The following CEP55 variants were observed in gnomAD, a reference collection of about 807,000 sequenced individuals.
The protein encoded by CEP55 is centrosomal protein of 55 kDa.
CEP55 carries 57 observed loss-of-function variants against 63.2 expected under a neutral mutation model. The ratio of observed to expected loss-of-function variants is 0.90; its 90% CI spans 0.73 to 1.13. The LOEUF is 1.13. Ranked by LOEUF, CEP55 falls within the 50% of genes most tolerant of loss-of-function variation. The pLI, the probability that CEP55 is intolerant of heterozygous loss-of-function variation, is 0.00. For synonymous variants in CEP55, 178 were observed against 191.6 expected (o/e 0.93, Z 0.59); for missense variants, 456 against 518.9 (o/e 0.88, Z 1.18).
chr10:93,514,599 T>G (rs1475367821), intron 4 of CEP55, among the ~76,000 whole-genome samples: 1 of 151,980 alleles, frequency 6.6e-6, no homozygotes, highest in African/African-American at 2.4e-5. Context: ...GAGCAGAGAG[T>G]GCTGAAAAGC....
rs759887502 is a variant in CEP55, at chr10:93,519,747, G to A, written c.1131G>A (p.Leu377=). ...ACCGTCAACATGTGCAGCATCAATT[G>A]CATGTAATTCTTAAGGAGCTCCGAA... is the stretch of plus-strand genomic sequence containing the variant. ...KLDRQHVQHQ[L]HVILKELRKA... The change falls in exon 8 of 9, where the codon TTG becomes TTA. Residue 377 remains leucine, a synonymous_variant. Transcript: ENST00000371485. The A allele has an allele frequency of 6.2e-6, 10 of 1,614,100 alleles. No individual in the cohort carries two copies. In the South Asian group the frequency reaches 9.9e-5, roughly 16 times the overall value.
At chr10:93,519,126 C>T in intron 7 of CEP55, 178 bp downstream of exon 7, 1 of 544,680 alleles carries the variant, frequency 1.8e-6, no homozygotes. Flanking sequence ...CTGCTAGCCA[C>T]TTATTCCTGT....
Position 93,507,961 on chromosome 10 carries a change from A to G in CEP55, c.528+905A>G, listed in dbSNP as rs1045048722. ...TGTGCCTGGCCTCCATTTTATTCTT[A>G]TAATGTAATTTAATTTGTAGTATCT... On this transcript the variant is annotated intron_variant, in intron 4 of 8. Transcript: ENST00000371485. Among the ~76,000 whole-genome samples, 12 of 152,302 alleles carry G rather than the reference A, an allele frequency of 7.9e-5. 1 individual carries two copies. The highest frequency in any genetic ancestry group is 1.6e-4 in the Non-Finnish European group (11 of 68,030).
At chr10:93,521,735 T>C (rs530777600) in intron 8 of CEP55, among the ~76,000 whole-genome samples, 4 of 152,272 alleles carry the variant, frequency 2.6e-5, no homozygotes, top group Admixed American at 2.0e-4. Flanking sequence ...CGGGTACCCC[T>C]CTGAGACAAA....
intron 4 of CEP55, among the ~76,000 whole-genome samples, chr10:93,512,249 G>A (rs973888352): frequency 1.9e-4 from 25 of 130,166 alleles, no homozygotes; most frequent in African/African-American, 6.7e-4. Context: ...AATTGGCCGG[G>A]CTCAGTGGCT....
chr10:93,524,773 G>A (rs1472006105), intron 8 of CEP55, among the ~76,000 whole-genome samples: 1 of 152,182 alleles, frequency 6.6e-6, no homozygotes, highest in Non-Finnish European at 1.5e-5. Context: ...TGGGATGCAA[G>A]GCTGGTTCAA....
intron 4 of CEP55, among the ~76,000 whole-genome samples, chr10:93,510,240 A>T (rs11813225): frequency 0.47 from 70,699 of 152,038 alleles, 18,246 homozygotes; most frequent in South Asian, 0.58. Context: ...AAATAGCCAA[A>T]AGACAGTTTT....
At chr10:93,522,164 G>T (rs1179367177) in intron 8 of CEP55, among the ~76,000 whole-genome samples, 1 of 152,178 alleles carries the variant, frequency 6.6e-6, no homozygotes, top group Non-Finnish European at 1.5e-5. Context: ...GTTCGAACCC[G>T]TGGCAAAGAA....
chr10:93,515,301 A>G lies in CEP55; in HGVS notation c.529-104A>G, dbSNP rs11187493. 6.4e-3 allele frequency: 6,546 copies of G among 1,023,360 alleles called. 292 individuals are homozygous for G. The African/African-American group carries it at 0.091, about 14-fold the overall frequency. 63.4% of individuals were successfully genotyped at this position (1,023,360 alleles called of 1,614,324 possible). ...GTTGCCCAGAATTAGTCTATGAGCC[A>G]TAGAGTTTTTGTTGGAAAAGACTAC... On this transcript the variant is annotated intron_variant, in intron 4 of 8. Coordinates refer to ENST00000371485, the MANE Select transcript of CEP55 (RefSeq NM_018131.5).
intron 1 of CEP55, among the ~76,000 whole-genome samples, chr10:93,499,799 C>T (rs1197195539): frequency 6.6e-6 from 1 of 152,008 alleles, no homozygotes; most frequent in East Asian, 1.9e-4. Flanking sequence ...GGGCTACAGG[C>T]GTGAGCCACC....
At position 93,517,280 on chromosome 10, in the gene CEP55, T is replaced by A. The variant is rs765913648; in HGVS notation, c.993+32T>A. ...TTAACCAGATCCATAATTCAGAGTG[T>A]TCACCGAACACTTTCTAAGTGTCAG... is the stretch of plus-strand genomic sequence containing the variant. On this transcript the variant is annotated intron_variant, in intron 6 of 8. Coordinates refer to ENST00000371485, the MANE Select transcript of CEP55 (RefSeq NM_018131.5). 7.9e-6 allele frequency: 12 copies of A among 1,528,250 alleles called. No individual in the cohort carries two copies. In the Admixed American group the frequency reaches 2.5e-4, roughly 31 times the overall value. The allele number at this position is 1,528,250 out of a possible 1,614,324, so 94.7% of individuals were successfully genotyped here.
At chr10:93,518,407 C>T (rs1004646470) in intron 6 of CEP55, among the ~76,000 whole-genome samples, 14 of 152,170 alleles carry the variant, frequency 9.2e-5, no homozygotes, top group Non-Finnish European at 1.8e-4. Context: ...GCCTTGGCCT[C>T]CCAAAGTGCT....
chr10:93,502,196 C>G (rs573093357), intron 2 of CEP55, among the ~76,000 whole-genome samples: 1 of 152,254 alleles, frequency 6.6e-6, no homozygotes, highest in South Asian at 2.1e-4. Context: ...AACACAGTAT[C>G]CTAAATATGT....
At position 93,517,228 on chromosome 10, in the gene CEP55, T is replaced by C. The variant is rs747240898; in HGVS notation, c.973T>C (p.Ser325Pro). ...RGKLEEEKKR[S>P]EELLSQVQFL... ...AAAACTTGAAGAAGAGAAGAAGAGATCCGAAGAGCTCTTATCTCAGGTAAA... is the reference window on the plus strand; with the variant it reads ...AAAACTTGAAGAAGAGAAGAAGAGACCCGAAGAGCTCTTATCTCAGGTAAA... The change falls in exon 6 of 9, where the codon TCC becomes CCC. Residue 325 changes from serine to proline, a missense_variant. Transcript: ENST00000371485. 6.3e-7 allele frequency: 1 copy of C among 1,598,702 alleles called. No homozygotes were observed. The highest frequency in any genetic ancestry group is 1.1e-5 in the South Asian group (1 of 88,412).
chr10:93,512,916 A>G (rs2057767780), intron 4 of CEP55, among the ~76,000 whole-genome samples: 1 of 152,174 alleles, frequency 6.6e-6, no homozygotes, highest in African/African-American at 2.4e-5. Flanking sequence ...TTTTATGATT[A>G]TTTTTCCCAA....
intron 3 of CEP55, among the ~76,000 whole-genome samples, chr10:93,505,141 TATA>T (rs1242515245): frequency 1.3e-5 from 2 of 152,236 alleles, no homozygotes; most frequent in Non-Finnish European, 2.9e-5. Flanking sequence ...AATGTATTCT[TATA>T]ATAATTTTGT....
At chr10:93,519,064 A>G in intron 7 of CEP55, 116 bp downstream of exon 7, 1 of 711,452 alleles carries the variant, frequency 1.4e-6, no homozygotes, top group Non-Finnish European at 2.4e-6. Context: ...TGTCTTTAAA[A>G]GACTTCAATA....
chr10:93,523,309 C>T (rs936674045), intron 8 of CEP55, among the ~76,000 whole-genome samples: 5 of 152,134 alleles, frequency 3.3e-5, no homozygotes, highest in Middle Eastern at 3.2e-3. Context: ...ATAAAACAGA[C>T]TTTAAACCAA....
In CEP55 at chr10:93,500,023, G is replaced by T. The variant is rs757917291; in HGVS notation, c.-12-17G>T. The T allele has an allele frequency of 3.9e-6, 6 of 1,531,702 alleles. No homozygotes were observed. The African/African-American group carries it at 7.0e-5, about 18-fold the overall frequency. The allele number at this position is 1,531,702 out of a possible 1,614,324, so 94.9% of individuals were successfully genotyped here. On this transcript the variant is annotated splice_polypyrimidine_tract_variant and intron_variant, in intron 1 of 8. Transcript: ENST00000371485. ...TTTTTAAACTCAGAATTATACAGTTGATTTTTATTTTTACAGACCATTTCA... is the reference window on the plus strand; with the variant it reads ...TTTTTAAACTCAGAATTATACAGTTTATTTTTATTTTTACAGACCATTTCA...
Sources: gnomAD v4.1 joint callset for allele counts (sites outside exome capture counted in the v4.1 genomes callset) on GRCh38, gnomAD v4.1.1 for gene constraint, MANE v1.5 for transcripts, NCBI Gene and HGNC (gene_info 2026-07-23, HGNC 2026-07-21) for gene names.